Variants in RBM4 observed in about 807,000 individuals in gnomAD.
The protein encoded by RBM4 is RNA binding motif protein 4.
RBM4 carries 7 observed loss-of-function variants against 29.5 expected under a neutral mutation model. The ratio of observed to expected loss-of-function variants is 0.24; its 90% CI spans 0.14 to 0.45. The LOEUF (loss-of-function observed/expected upper bound fraction) is 0.45. Among genes scored for constraint, RBM4 ranks in the 20% least tolerant of loss-of-function variants. The pLI is 1.00. For synonymous variants in RBM4, 220 were observed against 205.4 expected (o/e 1.07, Z -0.61); for missense variants, 387 against 502.3 (o/e 0.77, Z 2.19).
intron 2 of RBM4, chr11:66,665,746 T>TATCA: frequency 7.6e-7 from 1 of 1,307,878 alleles, no homozygotes; most frequent in Non-Finnish European, 1.0e-6. Flanking sequence ...CCTAGGAGTC[T>TATCA]ATCAATAGCT....
intron 2 of RBM4, among the ~76,000 whole-genome samples, chr11:66,654,034 T>A (rs1938889816): frequency 6.6e-6 from 1 of 151,952 alleles, no homozygotes; most frequent in South Asian, 2.1e-4. Context: ...CTAAAAATAT[T>A]ACTTATTTTA....
chr11:66,665,788 T>C, intron 2 of RBM4: 2 of 1,390,544 alleles, frequency 1.4e-6, no homozygotes, highest in Non-Finnish European at 1.9e-6. Context: ...GCTATATATA[T>C]AGGACAAGAT....
At chr11:66,665,938 G>C in exon 3 of RBM4, 1 of 1,534,952 alleles carries the variant, frequency 6.5e-7, no homozygotes, top group Non-Finnish European at 8.7e-7. Flanking sequence ...ATTTAATTTT[G>C]GAGTCCAGGA....
At chr11:66,657,264 G>C (rs953937252) in intron 2 of RBM4, among the ~76,000 whole-genome samples, 1 of 151,734 alleles carries the variant, frequency 6.6e-6, no homozygotes, top group Non-Finnish European at 1.5e-5. Context: ...ACAGAGGTAT[G>C]CACCATTGCA....
At chr11:66,641,462 G>A (rs925108511) in intron 2 of RBM4, among the ~76,000 whole-genome samples, 1 of 152,224 alleles carries the variant, frequency 6.6e-6, no homozygotes, top group Non-Finnish European at 1.5e-5. Flanking sequence ...TAATTGGCAA[G>A]TTGAGAATTA....
intron 2 of RBM4, chr11:66,640,547 T>TA (rs1385731285): frequency 3.1e-6 from 1 of 322,778 alleles, no homozygotes; most frequent in East Asian, 5.2e-5. Flanking sequence ...AAGCGACACT[T>TA]ATAGGACCAG....
intron 2 of RBM4, chr11:66,652,349 T>C (rs959901953): frequency 2.6e-5 from 4 of 152,208 alleles, no homozygotes; most frequent in African/African-American, 9.7e-5. Context: ...TGCCTTGGCC[T>C]CCCAAAGCGC....
downstream of RBM4, chr11:66,649,743 G>C: frequency 1.4e-6 from 1 of 701,788 alleles, no homozygotes; most frequent in Non-Finnish European, 2.6e-6. Flanking sequence ...TAGACATCCA[G>C]CTCTGTCACC....
At chr11:66,662,680 G>T (rs1046251466) in intron 2 of RBM4, among the ~76,000 whole-genome samples, 8 of 152,154 alleles carry the variant, frequency 5.3e-5, no homozygotes, top group Admixed American at 4.6e-4. Context: ...TAGGATTACA[G>T]GCGTGAGTCA....
chr11:66,645,915 GTAAACT>G, intron 3 of RBM4, 106 bp from the exon 4 acceptor site: 1 of 1,517,734 alleles, frequency 6.6e-7, no homozygotes, highest in Non-Finnish European at 8.8e-7. Context: ...AAGGGTACAA[GTAAACT>G]TAAAAGGAGT....
rs201479620 is a variant in RBM4, at chr11:66,664,811, G to C, written c.413-1045G>C. Among the ~76,000 whole-genome samples, 12 of 152,190 alleles carry C rather than the reference G, an allele frequency of 7.9e-5. No homozygotes were observed. The East Asian group carries it at 2.3e-3, about 29-fold the overall frequency. On this transcript the variant is annotated intron_variant, in intron 2 of 2. Transcript: ENST00000396053. ...AGGGTTTCAACATGTTGCTCAGGCT[G>C]GTCTTGAACTTCAGTGGGCTTAAGT...
Position 66,643,371 on chromosome 11 carries a change from G to T in RBM4, c.413-79G>T. On this transcript the variant is annotated intron_variant, in intron 2 of 3. Coordinates refer to ENST00000310092, the MANE Select transcript of RBM4 (RefSeq NM_002896.4). The surrounding 1 kb of genome is among the most constrained non-coding windows in gnomAD (Gnocchi z 6.1). ...TTAGAATTGTCTAGATAAAGCCATT[G>T]CTATGACCAGTGTCTGGGGTAGGGG... 1.3e-6 allele frequency: 2 copies of T among 1,511,758 alleles called. No homozygotes were observed. The highest frequency in any genetic ancestry group is 1.3e-5 in the South Asian group (1 of 77,142). 93.6% of individuals were successfully genotyped at this position (1,511,758 alleles called of 1,614,324 possible). A position where few individuals can be genotyped will look rare whatever the true frequency, so the allele number is the denominator to read the frequency against.
At chr11:66,661,478 T>G (rs1008301587) in intron 2 of RBM4, among the ~76,000 whole-genome samples, 5 of 152,188 alleles carry the variant, frequency 3.3e-5, no homozygotes, top group African/African-American at 1.2e-4. Context: ...GAGGGCCTAG[T>G]GTCTTTCTGT....
At chr11:66,656,781 CTTTTGAGTAACTGGGAT>C (rs575649366) in intron 2 of RBM4, among the ~76,000 whole-genome samples, 2,068 of 152,140 alleles carry the variant, frequency 0.014, 27 homozygotes, top group Non-Finnish European at 0.023. Context: ...GTGCCTCAGC[CTTTTGAGTAACTGGGAT>C]TATAGATGCA....
rs779614464 is a variant in RBM4, at chr11:66,644,019, G to A, written c.982G>A (p.Gly328Arg). The change falls in exon 3 of 4, where the codon GGG becomes AGG. Residue 328 changes from glycine to arginine, a missense_variant. Gly to Arg is a moderately radical substitution (Grantham distance 125). Around this residue, in one of 2 missense-constraint regions of RBM4, gnomAD observed 281 missense variants for 288.7 expected, o/e 0.97. Coordinates refer to ENST00000310092, the MANE Select transcript of RBM4 (RefSeq NM_002896.4). The part of the protein sequence containing the change: ...VPTVGEGYGY[G>R]HESELSQASA... ...CACTGTTGGAGAGGGCTACGGTTAC[G>A]GGCATGAGAGTGAGTTGTCCCAAGC... is the stretch of plus-strand genomic sequence containing the variant. 2.5e-6 allele frequency: 4 copies of A among 1,613,594 alleles called. No individual in the cohort carries two copies. Among genetic ancestry groups the A allele is most frequent in the Admixed American group, 1.7e-5 (1 of 60,002 alleles).
In RBM4 at chr11:66,646,009, T is replaced by C. The variant is rs1411588732; in HGVS notation, c.*9-18T>C. The C allele has an allele frequency of 2.0e-6, 3 of 1,535,994 alleles. No individual in the cohort carries two copies. Among genetic ancestry groups the C allele is most frequent in the Non-Finnish European group, 1.7e-6 (2 of 1,146,898 alleles). On this transcript the variant is annotated intron_variant, in intron 3 of 3. Transcript: ENST00000310092. Reference sequence around the variant, plus strand: ...TTTGAGCTTTGCTGTAAAGCCGCTGTATTGTGCTCTCTTTCAGGTGGGATG... The same window carrying C: ...TTTGAGCTTTGCTGTAAAGCCGCTGCATTGTGCTCTCTTTCAGGTGGGATG...
At chr11:66,663,152 T>C (rs1369740113) in intron 2 of RBM4, among the ~76,000 whole-genome samples, 1 of 152,222 alleles carries the variant, frequency 6.6e-6, no homozygotes, top group East Asian at 1.9e-4. Context: ...GAGTCCATCA[T>C]TAAATGTGTT....
downstream of RBM4, among the ~76,000 whole-genome samples, chr11:66,651,128 G>T (rs1464682612): frequency 6.6e-6 from 1 of 152,108 alleles, no homozygotes; most frequent in Non-Finnish European, 1.5e-5. Flanking sequence ...GACTCGGGGG[G>T]GGATGGAGTA....
At chr11:66,663,081 TGTA>T (rs1187998624) in intron 2 of RBM4, among the ~76,000 whole-genome samples, 4 of 152,216 alleles carry the variant, frequency 2.6e-5, no homozygotes, top group African/African-American at 4.8e-5. Context: ...AAATTTCACA[TGTA>T]GTCAGAATTT....
Sources: gnomAD v4.1 joint callset for allele counts (sites outside exome capture counted in the v4.1 genomes callset) on GRCh38, gnomAD v4.1.1 for gene constraint, gnomAD v4.1.1 regional missense constraint, Gnocchi (gnomAD v3.1) non-coding constraint, MANE v1.5 for transcripts, NCBI Gene and HGNC (gene_info 2026-07-23, HGNC 2026-07-21) for gene names.